BICDL2: variants seen among roughly 807,000 people sequenced by gnomAD.
The protein encoded by BICDL2 is BICD family-like cargo adapter 2.
BICDL2 carries 62 observed loss-of-function variants against 56.6 expected under a neutral mutation model. The ratio of observed to expected loss-of-function variants is 1.10; its 90% CI spans 0.89 to 1.35. The LOEUF (loss-of-function observed/expected upper bound fraction) is 1.35. BICDL2 is among the 40% of genes most tolerant of loss of function. BICDL2 has a pLI of 0.00. For synonymous variants in BICDL2, 358 were observed against 319.8 expected, an observed-to-expected ratio of 1.12 and a Z score of -1.27; for missense variants, 808 against 684.5, an observed-to-expected ratio of 1.18 and a Z score of -2.01.
rs568151161 is a variant in BICDL2 at position 3,036,375 on chromosome 16, G to A, written c.-31+519C>T. Reference sequence around the variant, plus strand: ...CCCTGGGCTCCCCTAGGGCGGCTCAGGGGCTGGGGTTCAGGGGCTCGGGTC... The same window carrying A: ...CCCTGGGCTCCCCTAGGGCGGCTCAAGGGCTGGGGTTCAGGGGCTCGGGTC... On this transcript the variant is annotated intron_variant, in intron 1 of 9. Coordinates refer to ENST00000572449, the MANE Select transcript of BICDL2 (RefSeq NM_001369667.1). The A allele has an allele frequency of 2.7e-4, 122 of 449,680 alleles. 2 individuals are homozygous for A. Among genetic ancestry groups the A allele is most frequent in the South Asian group, 1.8e-3 (118 of 63,854 alleles). The allele number at this position is 449,680 out of a possible 1,614,324, so 27.9% of individuals were successfully genotyped here.
At position 3,030,971 on chromosome 16, in the gene BICDL2, G is replaced by T; in HGVS notation, c.462C>A (p.Ser154Arg). The change falls in exon 3 of 10, where the codon AGC (serine) becomes AGA (arginine). Residue 154 changes from serine (S) to arginine (R), a missense_variant. Ser to Arg is a moderately radical substitution (Grantham distance 110). Transcript: ENST00000572449. Reference sequence around the variant, plus strand: ...GCTGGCTGAGCCGGAGGTTCTGCTCGCTGAGCTCGCTGAGGGCCCGTGCCC... The same window carrying T: ...GCTGGCTGAGCCGGAGGTTCTGCTCTCTGAGCTCGCTGAGGGCCCGTGCCC... ...RERARALSEL[S>R]EQNLRLSQQL... The T allele has an allele frequency of 1.3e-6, 2 of 1,551,406 alleles. No homozygotes were observed. The highest frequency in any genetic ancestry group is 1.7e-6 in the Non-Finnish European group (2 of 1,154,546).
At chr16:3,030,079 A>G (rs755197389) in intron 5 of BICDL2, 13 of 458,450 alleles carry the variant, frequency 2.8e-5, no homozygotes, top group Non-Finnish European at 4.6e-5. Context: ...CCGGGATGCG[A>G]AGGAAGGCAA....
intron 2 of BICDL2, chr16:3,031,548 C>G (rs1391447290): frequency 2.4e-6 from 1 of 420,082 alleles, no homozygotes; most frequent in Admixed American, 4.0e-5. Flanking sequence ...GGACTCTGCC[C>G]AGCCCCCTCC....
Position 3,031,120 on chromosome 16 carries a change from G to C in BICDL2, c.313C>G (p.Arg105Gly). 6.5e-7 allele frequency: 1 copy of C among 1,535,562 alleles called. No individual in the cohort carries two copies. The change falls in exon 3 of 10, where the codon CGA becomes GGA. Residue 105 changes from arginine (R) to glycine (G), a missense_variant. By Grantham distance (125) the Arg-to-Gly change is moderately radical. Coordinates refer to ENST00000572449, the MANE Select transcript of BICDL2 (RefSeq NM_001369667.1). ...TCGGCTCCTCGGGCTGCCAGGCCTC[G>C]CCGGAGCTCATGGTTCTCCTGCTGG... Reference protein sequence around the residue: ...RLQQENHELRRGLAARGAEWE... With the variant: ...RLQQENHELRGGLAARGAEWE...
Position 3,027,847 on chromosome 16 carries a change from T to C in BICDL2, c.*259A>G. On this transcript the variant is annotated 3_prime_UTR_variant, in exon 10 of 10. Coordinates refer to ENST00000572449, the MANE Select transcript of BICDL2 (RefSeq NM_001369667.1). ...ATACATAAATACCCAGCCCCATCCC[T>C]GCCCTAGAAAAGATAGACGTATATT... 1.2e-6 allele frequency: 1 copy of C among 829,818 alleles called. No individual in the cohort carries two copies. 51.4% of individuals were successfully genotyped at this position (829,818 alleles called of 1,614,324 possible). A position where few individuals can be genotyped will look rare whatever the true frequency, so the allele number is the denominator to read the frequency against.
chr16:3,035,176 T>TTGGCCGGGG, intron 2 of BICDL2, 39 bp downstream of exon 2: 3 of 136,270 alleles, frequency 2.2e-5, no homozygotes, highest in Non-Finnish European at 2.7e-5. Context: ...CGTCCTCCCC[T>TTGGCCGGGG]GCCCACCCAC....
At chr16:3,035,176 T>TTGGGGGGGGGGGGGGGGG in intron 2 of BICDL2, 39 bp downstream of exon 2, 6 of 136,270 alleles carry the variant, frequency 4.4e-5, no homozygotes, top group East Asian at 1.4e-4. Context: ...CGTCCTCCCC[T>TTGGGGGGGGGGGGGGGGG]GCCCACCCAC....
At position 3,035,369 on chromosome 16, in the gene BICDL2, C is replaced by G; in HGVS notation, c.128G>C (p.Gly43Ala). The part of the protein sequence containing the change: ...RRDSFLGGGP[G>A]PEEPEDLALQ... ...GGCTAGGTCCTCGGGCTCCTCAGGC[C>G]CTGGGCCCCCTCCCAGGAATGAGTC... Residue 43 changes from glycine (G) to alanine (A), a missense_variant, in exon 2 of 10, where the codon GGG becomes GCG. Gly to Ala is a moderately conservative substitution (Grantham distance 60). Transcript: ENST00000572449. The G allele has an allele frequency of 1.9e-6, 3 of 1,606,770 alleles. No individual in the cohort carries two copies. The highest frequency in any genetic ancestry group is 2.5e-6 in the Non-Finnish European group (3 of 1,177,464).
In BICDL2 at chr16:3,029,436, G is replaced by T; in HGVS notation, c.958-7C>A. ...TCTTTGGGGACCGGGTGGTCTGTGG[G>T]CCAAAGAAATGGGTTAGTGGTGTGG... is the stretch of plus-strand genomic sequence containing the variant. On this transcript the variant is annotated splice_polypyrimidine_tract_variant and splice_region_variant and intron_variant, in intron 6 of 9. Coordinates refer to ENST00000572449, the MANE Select transcript of BICDL2 (RefSeq NM_001369667.1). 2 of 1,600,728 alleles carry T rather than the reference G, an allele frequency of 1.2e-6. No homozygotes were observed.
intron 1 of BICDL2, chr16:3,036,402 G>C (rs1405100471): frequency 4.4e-6 from 2 of 454,506 alleles, no homozygotes; most frequent in Non-Finnish European, 8.8e-6. Context: ...GCTCGGGTCA[G>C]AGGGCCCGAC....
rs774715133 is a variant in BICDL2 at position 3,030,710 on chromosome 16, T to C, written c.601A>G (p.Ser201Gly). ...AGAELRTRLESLQGENQMLQS... is the reference protein window; with the variant it reads ...AGAELRTRLEGLQGENQMLQS... The stretch of plus-strand genomic sequence containing the variant: ...CTGACACTCACTTCCCCCTGCAGAC[T>C]CTCCAGCCGCGTCCTCAGCTCTGCT... Residue 201 changes from serine to glycine, a missense_variant, in exon 4 of 10, where the codon AGT (serine) becomes GGT (glycine). Ser to Gly is a moderately conservative substitution (Grantham distance 56, BLOSUM62 0). Transcript: ENST00000572449. 6.8e-6 allele frequency: 11 copies of C among 1,611,560 alleles called. No homozygotes were observed. The highest frequency in any genetic ancestry group is 9.3e-6 in the Non-Finnish European group (11 of 1,179,634).
chr16:3,036,813 C>G (rs1424081724), intron 1 of BICDL2, 81 bp downstream of exon 1: 5 of 333,564 alleles, frequency 1.5e-5, no homozygotes, highest in South Asian at 8.6e-5. Flanking sequence ...CCCGGCTCCC[C>G]CACCTTCTCC....
intron 1 of BICDL2, 29 bp from the exon 2 acceptor site, chr16:3,035,555 CA>C (rs1955723662): frequency 6.5e-7 from 1 of 1,534,770 alleles, no homozygotes; most frequent in Admixed American, 1.9e-5. Context: ...TGCAGCCTGA[CA>C]GGGGCTCACC....
Position 3,028,262 on chromosome 16 carries a change from C to T in BICDL2, c.1371G>A (p.Gln457=), listed in dbSNP as rs1337668176. ...AGCGCAGCTGCTGCCCGATCACCAC[C>T]TGCATGTCGTCCTGCGGGAGGCCGT... The part of the protein sequence containing the change: ...QELEAWQDDM[Q]VVIGQQLRSQ... Residue 457 remains glutamine (Q), a synonymous_variant, in exon 10 of 10, where the codon CAG becomes CAA. Coordinates refer to ENST00000572449, the MANE Select transcript of BICDL2 (RefSeq NM_001369667.1). 1 of 1,489,214 alleles carries T rather than the reference C, an allele frequency of 6.7e-7. No individual in the cohort carries two copies. 92.3% of individuals were successfully genotyped at this position (1,489,214 alleles called of 1,614,324 possible). A position where few individuals can be genotyped will look rare whatever the true frequency, so the allele number is the denominator to read the frequency against.
chr16:3,035,999 T>C, intron 1 of BICDL2: 1 of 312,320 alleles, frequency 3.2e-6, no homozygotes, highest in Non-Finnish European at 6.2e-6. Context: ...GGAATCCAGC[T>C]CCTTCCCCTG....
rs1390100826 is a variant in BICDL2 at position 3,035,936 on chromosome 16, C to T, written c.-30-410G>A. 116 of 293,084 alleles carry T rather than the reference C, an allele frequency of 4.0e-4. 1 individual carries two copies. The highest frequency in any genetic ancestry group is 1.3e-5 in the Non-Finnish European group (2 of 150,600). 18.2% of individuals were successfully genotyped at this position (293,084 alleles called of 1,614,324 possible). ...CAGTTGGAGTTGGGCCCAGCCTCTTCTCTCAGGAATGCAGGACCCTAAGGC... is the reference window on the plus strand; with the variant it reads ...CAGTTGGAGTTGGGCCCAGCCTCTTTTCTCAGGAATGCAGGACCCTAAGGC... On this transcript the variant is annotated intron_variant, in intron 1 of 9. Coordinates refer to ENST00000572449, the MANE Select transcript of BICDL2 (RefSeq NM_001369667.1).
At chr16:3,030,876 T>C in intron 3 of BICDL2, 59 bp downstream of exon 3, 3 of 1,549,678 alleles carry the variant, frequency 1.9e-6, no homozygotes, top group Non-Finnish European at 2.6e-6. Context: ...TACTCCCCGC[T>C]GGGGACCCAG....
chr16:3,035,759 C>T (rs1567424876), intron 1 of BICDL2: 4 of 532,430 alleles, frequency 7.5e-6, no homozygotes, highest in African/African-American at 1.9e-5. Context: ...CTCTGCCAGA[C>T]AATCTCTGTC....
At chr16:3,035,925 C>T (rs907462818) in intron 1 of BICDL2, 2 of 292,348 alleles carry the variant, frequency 6.8e-6, no homozygotes, top group Admixed American at 5.1e-5. Context: ...TGGAGTTGGG[C>T]CCAGCCTCTT....
Sources: gnomAD v4.1 joint callset for allele counts on GRCh38, gnomAD v4.1.1 for gene constraint, MANE v1.5 for transcripts, NCBI Gene and HGNC (gene_info 2026-07-23, HGNC 2026-07-21) for gene names.